MTMR8: variants seen among roughly 807,000 people sequenced by gnomAD.
The protein encoded by MTMR8 is myotubularin related protein 8.
MTMR8 carries 65 observed loss-of-function variants against 39.3 expected under a neutral mutation model. The observed-to-expected ratio is 1.65, with a 90% confidence interval of 1.35 to 2.03. The LOEUF is 2.03. MTMR8 is among the 30% of genes most tolerant of loss of function. The probability of loss-of-function intolerance (pLI) is 0.00; values close to 1 mark genes in which losing one functional copy is unlikely to be tolerated. For missense variants in MTMR8, 777 were observed against 538.9 expected (o/e 1.44, Z -4.37); for synonymous variants, 245 against 185.2 (o/e 1.32, Z -2.62).
intron 11 of MTMR8, among the ~76,000 whole-genome samples, chrX:64,330,107 C>T (rs1922904094): frequency 9.0e-6 from 1 of 111,693 alleles, no homozygotes; most frequent in African/African-American, 3.3e-5. Context: ...TAAGTAATCA[C>T]TATTTTAAAA....
In MTMR8 at chrX:64,309,945, G is replaced by A. The variant is rs750183365; in HGVS notation, c.1481+18827C>T. 1.8e-3 allele frequency among the ~76,000 whole-genome samples: 196 copies of A among 111,940 alleles called. 1 individual carries two copies. The highest frequency in any genetic ancestry group is 0.014 in the Middle Eastern group (3 of 218). On this transcript the variant is annotated intron_variant, in intron 12 of 13. Transcript: ENST00000374852. ...TGGGAAGTCTTGCCTCGACGTTGAT[G>A]GCTGCTGACTGCTCAGGGTACTGGT...
rs144710982 is a variant in MTMR8, at chrX:64,302,903, C to T, written c.1481+25869G>A. On this transcript the variant is annotated intron_variant, in intron 12 of 13. Transcript: ENST00000374852. The stretch of plus-strand genomic sequence containing the variant: ...CATATATTAATAGACATGTCAGCTC[C>T]GTCTCCTTCATGAGTTCCTTAGCCC... Among the ~76,000 whole-genome samples the T allele has an allele frequency of 9.6e-3, 1,075 of 112,240 alleles. 15 individuals carry two copies. Among genetic ancestry groups the T allele is most frequent in the African/African-American group, 0.031 (963 of 30,887 alleles).
At chrX:64,322,680 C>T (rs1401876382) in intron 12 of MTMR8, among the ~76,000 whole-genome samples, 1 of 112,397 alleles carries the variant, frequency 8.9e-6, no homozygotes, top group Non-Finnish European at 1.9e-5. Flanking sequence ...CAAGAGCCAG[C>T]AATAACTGCA....
chrX:64,315,689 A>AT (rs957731252), intron 12 of MTMR8, among the ~76,000 whole-genome samples: 3 of 110,560 alleles, frequency 2.7e-5, no homozygotes, highest in Non-Finnish European at 5.7e-5. Context: ...CACTCTGCTA[A>AT]TTTTTTTCAT....
At chrX:64,302,041 G>A (rs1239612372) in intron 12 of MTMR8, among the ~76,000 whole-genome samples, 1 of 112,828 alleles carries the variant, frequency 8.9e-6, no homozygotes, top group Admixed American at 9.3e-5. Context: ...CCTGCCCCCA[G>A]AGGTGGAGCC....
At chrX:64,333,510 A>G (rs904862933) in intron 10 of MTMR8, among the ~76,000 whole-genome samples, 4 of 111,964 alleles carry the variant, frequency 3.6e-5, no homozygotes, top group African/African-American at 1.3e-4. Flanking sequence ...CGATTTGCCC[A>G]GAAGTCTTAC....
At chrX:64,379,566 T>C (rs1314215222) in intron 1 of MTMR8, among the ~76,000 whole-genome samples, 3 of 111,389 alleles carry the variant, frequency 2.7e-5, no homozygotes, top group African/African-American at 6.5e-5. Flanking sequence ...CCTCTAGGCT[T>C]ATAGACATCT....
Position 64,362,471 on chromosome X carries a change from G to GAAAAAAAAAAAAAAAAAAA in MTMR8, c.25-2963_25-2945dup, listed in dbSNP as rs760545171. ...ACAAAAAACCTCTAGTACTATTGCA[G>GAAAAAAAAAAAAAAAAAAA]AAAAAAAAAAAAAAAAAAAAAAAAA... On this transcript the variant is annotated intron_variant, in intron 1 of 13. Coordinates refer to ENST00000374852, the MANE Select transcript of MTMR8 (RefSeq NM_017677.4). Among the ~76,000 whole-genome samples the GAAAAAAAAAAAAAAAAAAA allele has an allele frequency of 9.1e-4, 5 of 5,500 alleles. 1 individual carries two copies. The highest frequency in any genetic ancestry group is 1.4e-3 in the Non-Finnish European group (4 of 2,793). The allele number at this position is 5,500 out of a possible 115,157, so 4.8% of individuals were successfully genotyped here.
At chrX:64,351,283 C>A (rs780736868) in intron 4 of MTMR8, among the ~76,000 whole-genome samples, 1 of 111,153 alleles carries the variant, frequency 9.0e-6, no homozygotes, top group East Asian at 2.8e-4. Context: ...GATGACCCTG[C>A]GAAGTCACAG....
At chrX:64,329,927 C>A (rs890958318) in intron 11 of MTMR8, among the ~76,000 whole-genome samples, 1 of 111,433 alleles carries the variant, frequency 9.0e-6, no homozygotes, top group African/African-American at 3.3e-5. Flanking sequence ...CCCAATAAAA[C>A]CTTGTGAGAT....
At chrX:64,297,723 T>C (rs1369383588) in intron 12 of MTMR8, among the ~76,000 whole-genome samples, 2 of 108,181 alleles carry the variant, frequency 1.8e-5, no homozygotes, top group African/African-American at 6.8e-5. Context: ...AGGTCTAACG[T>C]TTAAATCTTT....
chrX:64,381,267 A>T (rs1037260133), intron 1 of MTMR8, among the ~76,000 whole-genome samples: 4 of 111,083 alleles, frequency 3.6e-5, no homozygotes, highest in African/African-American at 1.3e-4. Context: ...TTGTTTCCTT[A>T]CTTTTTAATG....
At chrX:64,355,245 GAA>G (rs764623539) in intron 3 of MTMR8, among the ~76,000 whole-genome samples, 14 of 112,152 alleles carry the variant, frequency 1.2e-4, no homozygotes, top group Non-Finnish European at 2.1e-4. Context: ...CACATGTTAA[GAA>G]AAGAGTCCTT....
intron 5 of MTMR8, among the ~76,000 whole-genome samples, 194 bp downstream of exon 5, chrX:64,349,748 A>C (rs1475677353): frequency 2.7e-5 from 3 of 111,953 alleles, no homozygotes; most frequent in Admixed American, 1.9e-4. Context: ...TCTGCATAAC[A>C]TTTTACAATT....
chrX:64,270,926 C>G (rs1255723881), intron 13 of MTMR8, 21 bp downstream of exon 13: 2 of 1,205,697 alleles, frequency 1.7e-6, no homozygotes, highest in South Asian at 3.6e-5. Flanking sequence ...GAAGATCTCT[C>G]TTTGGGACTT....
At chrX:64,287,477 A>G (rs1921226770) in intron 12 of MTMR8, among the ~76,000 whole-genome samples, 1 of 111,191 alleles carries the variant, frequency 9.0e-6, no homozygotes, top group South Asian at 3.8e-4. Context: ...TAAAGTTCAT[A>G]TGGAACCAAA....
At chrX:64,322,494 T>C (rs1487294782) in intron 12 of MTMR8, among the ~76,000 whole-genome samples, 1 of 112,233 alleles carries the variant, frequency 8.9e-6, no homozygotes. Context: ...GTTCTTTAAA[T>C]GTTTGGTAGA....
chrX:64,393,068 A>C (rs1924734105), intron 1 of MTMR8, among the ~76,000 whole-genome samples: 1 of 111,997 alleles, frequency 8.9e-6, no homozygotes, highest in Non-Finnish European at 1.9e-5. Context: ...GTTTTTATTT[A>C]TATTTCAAGA....
At chrX:64,289,247 T>A (rs753146001) in intron 12 of MTMR8, among the ~76,000 whole-genome samples, 9 of 110,094 alleles carry the variant, frequency 8.2e-5, no homozygotes, top group African/African-American at 3.0e-4. Flanking sequence ...ACTATCCCAA[T>A]AAAAGGAACA....
Sources: gnomAD v4.1 joint callset for allele counts (sites outside exome capture counted in the v4.1 genomes callset) on GRCh38, gnomAD v4.1.1 for gene constraint, MANE v1.5 for transcripts, NCBI Gene and HGNC (gene_info 2026-07-23, HGNC 2026-07-21) for gene names.